The following LSAMP variants were observed in gnomAD, a reference collection of about 807,000 sequenced individuals.
The protein encoded by LSAMP is limbic system associated membrane protein.
LSAMP carries 7 observed loss-of-function variants against 38.6 expected under a neutral mutation model. That is an observed-to-expected ratio of 0.18 (90% CI 0.10 to 0.34). The LOEUF (loss-of-function observed/expected upper bound fraction) is 0.34. LSAMP is among the 10% of genes least tolerant of loss of function. The probability of loss-of-function intolerance (pLI) is 1.00; values close to 1 mark genes in which losing one functional copy is unlikely to be tolerated. For missense variants in LSAMP, 313 were observed against 420.0 expected, an observed-to-expected ratio of 0.75 and a Z score of 2.23; for synonymous variants, 154 against 166.8, an observed-to-expected ratio of 0.92 and a Z score of 0.59.
chr3:116,034,437 A>G (rs891898886), intron 2 of LSAMP, among the ~76,000 whole-genome samples: 8 of 151,918 alleles, frequency 5.3e-5, no homozygotes, highest in Non-Finnish European at 1.2e-4. Flanking sequence ...AAGTCACTTA[A>G]CCTCATCTGG....
intron 1 of LSAMP, among the ~76,000 whole-genome samples, chr3:116,135,415 A>G (rs76616320): frequency 6.6e-6 from 1 of 152,196 alleles, no homozygotes; most frequent in South Asian, 2.1e-4. Flanking sequence ...CAGCTCAAGT[A>G]GGTCAGATGG....
chr3:116,307,407 A>G (rs1443123598), intron 1 of LSAMP, among the ~76,000 whole-genome samples: 2 of 152,024 alleles, frequency 1.3e-5, no homozygotes, highest in Non-Finnish European at 2.9e-5. Context: ...GAAATATTCA[A>G]GACTCTAAAT....
chr3:116,069,666 AT>A (rs1178203210), intron 2 of LSAMP, among the ~76,000 whole-genome samples: 6 of 152,238 alleles, frequency 3.9e-5, no homozygotes, highest in Non-Finnish European at 8.8e-5. Flanking sequence ...GATAAATGGA[AT>A]GGAGATGTTA....
intron 1 of LSAMP, among the ~76,000 whole-genome samples, chr3:116,212,239 CA>C (rs2046166421): frequency 6.6e-6 from 1 of 152,126 alleles, no homozygotes; most frequent in Non-Finnish European, 1.5e-5. Context: ...GAAAGATGCG[CA>C]AAGTTCAGTT....
At chr3:116,166,037 T>C (rs1195001778) in intron 1 of LSAMP, among the ~76,000 whole-genome samples, 2 of 152,236 alleles carry the variant, frequency 1.3e-5, no homozygotes, top group East Asian at 3.8e-4. Context: ...AGAATGCTAA[T>C]TGTGGTGGGC....
At chr3:116,208,926 A>T (rs1307911351) in intron 1 of LSAMP, among the ~76,000 whole-genome samples, 1 of 152,148 alleles carries the variant, frequency 6.6e-6, no homozygotes. Context: ...GGTGGGCTCC[A>T]CCCAGTTGGA....
At chr3:116,430,386 A>G (rs1303146326) in intron 1 of LSAMP, among the ~76,000 whole-genome samples, 4 of 152,186 alleles carry the variant, frequency 2.6e-5, no homozygotes, top group Non-Finnish European at 5.9e-5. Context: ...ATATCACATA[A>G]TTATGAAATA....
At chr3:115,931,361 G>T (rs1341156468) in intron 3 of LSAMP, among the ~76,000 whole-genome samples, 4 of 152,212 alleles carry the variant, frequency 2.6e-5, no homozygotes, top group Non-Finnish European at 5.9e-5. Context: ...AGTTGAGAAA[G>T]ACTTTCTTTG....
chr3:116,392,556 G>A (rs2048717752), intron 1 of LSAMP, among the ~76,000 whole-genome samples: 1 of 152,250 alleles, frequency 6.6e-6, no homozygotes, highest in Non-Finnish European at 1.5e-5. Context: ...CCTGGTGCTG[G>A]CCTGAAGGTG....
At chr3:116,123,816 T>G (rs1243796551) in intron 1 of LSAMP, among the ~76,000 whole-genome samples, 5 of 152,182 alleles carry the variant, frequency 3.3e-5, no homozygotes, top group Non-Finnish European at 7.3e-5. Context: ...CGATGTCCCA[T>G]AAATGTTGAG....
At chr3:116,171,776 T>C (rs1477777980) in intron 1 of LSAMP, among the ~76,000 whole-genome samples, 1 of 151,944 alleles carries the variant, frequency 6.6e-6, no homozygotes, top group Non-Finnish European at 1.5e-5. Context: ...GATTGGAGTA[T>C]AAGGAGCAGG....
chr3:116,342,531 G>A (rs552387606), intron 1 of LSAMP, among the ~76,000 whole-genome samples: 1 of 152,134 alleles, frequency 6.6e-6, no homozygotes, highest in African/African-American at 2.4e-5. Flanking sequence ...TCTGTTCAAC[G>A]GATGAGGAAT....
intron 1 of LSAMP, among the ~76,000 whole-genome samples, chr3:116,267,960 C>T (rs1172398376): frequency 1.3e-5 from 2 of 152,108 alleles, no homozygotes; most frequent in South Asian, 4.1e-4. Flanking sequence ...CAAACTCTTC[C>T]TTGCACCAGG....
intron 1 of LSAMP, among the ~76,000 whole-genome samples, chr3:116,328,317 T>A (rs1335596979): frequency 6.6e-6 from 1 of 152,208 alleles, no homozygotes; most frequent in Non-Finnish European, 1.5e-5. Flanking sequence ...ACACTGATGA[T>A]GGGAAATTAG....
chr3:116,338,333 G>A (rs1314925029), intron 1 of LSAMP, among the ~76,000 whole-genome samples: 1 of 151,856 alleles, frequency 6.6e-6, no homozygotes, highest in African/African-American at 2.4e-5. Context: ...TTAGTGACCT[G>A]CTCCTTATCA....
At chr3:116,149,206 A>G (rs775283113) in intron 1 of LSAMP, among the ~76,000 whole-genome samples, 2 of 151,962 alleles carry the variant, frequency 1.3e-5, no homozygotes, top group Non-Finnish European at 2.9e-5. Flanking sequence ...ACCCTGCAGT[A>G]TAGTTAGATT....
chr3:116,055,790 A>G (rs1045743308), intron 2 of LSAMP, among the ~76,000 whole-genome samples: 2 of 152,246 alleles, frequency 1.3e-5, no homozygotes, highest in African/African-American at 4.8e-5. Flanking sequence ...AATCACTTAT[A>G]TAGCAAATCT....
intron 1 of LSAMP, among the ~76,000 whole-genome samples, chr3:116,311,953 C>T (rs544610327): frequency 6.6e-6 from 1 of 152,060 alleles, no homozygotes; most frequent in Non-Finnish European, 1.5e-5. Flanking sequence ...AAGATGAATG[C>T]CTATATGAGG....
At chr3:115,912,318 A>G (rs986885572) in intron 3 of LSAMP, among the ~76,000 whole-genome samples, 1 of 152,168 alleles carries the variant, frequency 6.6e-6, no homozygotes, top group Non-Finnish European at 1.5e-5. Context: ...TAATTTTTAT[A>G]CCAGGTGTTA....
Sources: gnomAD v4.1 joint callset for allele counts (sites outside exome capture counted in the v4.1 genomes callset) on GRCh38, gnomAD v4.1.1 for gene constraint, MANE v1.5 for transcripts, NCBI Gene and HGNC (gene_info 2026-07-23, HGNC 2026-07-21) for gene names.